Variants in ZNF483 observed in about 807,000 individuals in gnomAD.
The protein encoded by ZNF483 is zinc finger protein HIT-10.
In ZNF483, 9 loss-of-function variants were observed where a neutral mutation model predicts 28.6. The ratio of observed to expected loss-of-function variants is 0.32; its 90% CI spans 0.19 to 0.55. ZNF483 has a LOEUF of 0.55. Among genes scored for constraint, ZNF483 ranks in the 20% least tolerant of loss-of-function variants. ZNF483 has a pLI of 0.93. For synonymous variants in ZNF483, 322 were observed against 306.2 expected (o/e 1.05, Z -0.54); for missense variants, 675 against 871.7 (o/e 0.77, Z 2.84).
At position 111,543,774 on chromosome 9, in the gene ZNF483, T is replaced by C. The variant is rs1367140629; in HGVS notation, c.*604T>C. 1.1e-6 allele frequency: 1 copy of C among 891,662 alleles called. No homozygotes were observed. The highest frequency in any genetic ancestry group is 1.3e-6 in the Non-Finnish European group (1 of 745,968). The allele number at this position is 891,662 out of a possible 1,614,324, so 55.2% of individuals were successfully genotyped here. ...ATGCTGGACTTCTTTTCTTTTTTTT[T>C]TCTTTTTTTTTTTTCAATTTTTCTT... On this transcript the variant is annotated 3_prime_UTR_variant, in exon 6 of 6. Transcript: ENST00000309235.
chr9:111,540,248 G>T (rs909341096), intron 5 of ZNF483, among the ~76,000 whole-genome samples: 1 of 152,054 alleles, frequency 6.6e-6, no homozygotes, highest in African/African-American at 2.4e-5. Context: ...CAGTTTTTCT[G>T]TTTTAAACTA....
chr9:111,540,269 T>G (rs1827640898), intron 5 of ZNF483, among the ~76,000 whole-genome samples: 1 of 152,170 alleles, frequency 6.6e-6, no homozygotes, highest in Admixed American at 6.5e-5. Context: ...TATAGAAACA[T>G]TGAAGGAAAT....
chr9:111,532,408 A>G (rs1185459440), intron 3 of ZNF483, among the ~76,000 whole-genome samples: 2 of 152,178 alleles, frequency 1.3e-5, no homozygotes, highest in Non-Finnish European at 2.9e-5. Flanking sequence ...TGTCCTTGCT[A>G]GAGAGGCAGG....
chr9:111,536,558 A>G (rs1827507732), intron 5 of ZNF483, among the ~76,000 whole-genome samples: 1 of 152,144 alleles, frequency 6.6e-6, no homozygotes, highest in Non-Finnish European at 1.5e-5. Context: ...TATTACATGT[A>G]TCAATACCTT....
At chr9:111,563,428 G>A (rs1828401746) in intron 5 of ZNF483, 2 of 477,018 alleles carry the variant, frequency 4.2e-6, no homozygotes, top group African/African-American at 3.9e-5. Flanking sequence ...AGATTACAAA[G>A]TACACCTAAG....
Position 111,542,241 on chromosome 9 carries a change from G to C in ZNF483, c.1306G>C (p.Glu436Gln). 1 of 1,614,052 alleles carries C rather than the reference G, an allele frequency of 6.2e-7. No homozygotes were observed. The highest frequency in any genetic ancestry group is 8.5e-7 in the Non-Finnish European group (1 of 1,179,984). Residue 436 changes from glutamate (E) to glutamine (Q), a missense_variant, in exon 6 of 6, where the codon GAA becomes CAA. Physicochemically the swap from Glu to Gln is conservative, Grantham distance 29. Coordinates refer to ENST00000309235, the MANE Select transcript of ZNF483 (RefSeq NM_133464.5). This position sits in a 1 kb window ranked among gnomAD's most constrained non-coding sequence, Gnocchi z 6.2. The part of the protein sequence containing the change: ...LNKDEGNESG[E>Q]KTHKCSKCGK... ...TAAAGATGAGGGAAATGAGAGTGGA[G>C]AAAAAACTCATAAATGTAGTAAGTG...
intron 5 of ZNF483, among the ~76,000 whole-genome samples, chr9:111,540,745 G>T (rs1390659676): frequency 2.6e-5 from 4 of 152,204 alleles, no homozygotes; most frequent in Non-Finnish European, 5.9e-5. Flanking sequence ...AACAAAATTA[G>T]TGTTATTTGT....
intron 5 of ZNF483, among the ~76,000 whole-genome samples, chr9:111,540,849 A>G (rs1827653408): frequency 1.3e-5 from 2 of 152,300 alleles, no homozygotes; most frequent in South Asian, 2.1e-4. Flanking sequence ...CGTATTATAC[A>G]TGTGACCTTG....
At chr9:111,555,426 G>A (rs1001182704), downstream of ZNF483, among the ~76,000 whole-genome samples, 20 of 152,066 alleles carry the variant, frequency 1.3e-4, no homozygotes, top group African/African-American at 4.1e-4. Flanking sequence ...TCAGAAGGCC[G>A]TTGTGCTATT....
chr9:111,529,371 C>T (rs1210821142), intron 2 of ZNF483, among the ~76,000 whole-genome samples: 4 of 152,298 alleles, frequency 2.6e-5, no homozygotes, highest in African/African-American at 9.6e-5. Flanking sequence ...GTATTTTTTA[C>T]TGCTCCTTGT....
chr9:111,540,107 A>G lies in ZNF483; in HGVS notation c.722-1550A>G, dbSNP rs1443030465. The stretch of plus-strand genomic sequence containing the variant: ...TGATCATGCCACTGCACTCCAGCGT[A>G]GGCAACAGAGTAAGACCCTATCTCT... On this transcript the variant is annotated intron_variant, in intron 5 of 5. Transcript: ENST00000309235. Among the ~76,000 whole-genome samples, 33 of 152,172 alleles carry G rather than the reference A, an allele frequency of 2.2e-4. 1 individual carries two copies.
rs1360877290 is a variant in ZNF483, at chr9:111,553,264, A to T, written c.*10094A>T. Among the ~76,000 whole-genome samples the T allele has an allele frequency of 1.3e-5, 2 of 152,220 alleles. No individual in the cohort carries two copies. Among genetic ancestry groups the T allele is most frequent in the Non-Finnish European group, 2.9e-5 (2 of 68,038 alleles). On this transcript the variant is annotated 3_prime_UTR_variant, in exon 6 of 6. Transcript: ENST00000309235. ...AATTGCCATTCATCATTAAATGTGC[A>T]CTATACTGTCTCTAGTCTTCTTGAC... is the stretch of plus-strand genomic sequence containing the variant.
downstream of ZNF483, among the ~76,000 whole-genome samples, chr9:111,558,705 C>T (rs1290309273): frequency 1.3e-5 from 2 of 152,194 alleles, no homozygotes; most frequent in Non-Finnish European, 2.9e-5. Flanking sequence ...TATATATGTG[C>T]ACACACACTC....
At chr9:111,525,651 G>T (rs1713751757) in intron 1 of ZNF483, among the ~76,000 whole-genome samples, 1 of 152,130 alleles carries the variant, frequency 6.6e-6, no homozygotes, top group Non-Finnish European at 1.5e-5. Flanking sequence ...CCGCTGGGGG[G>T]TGAAATCTCT....
intron 3 of ZNF483, among the ~76,000 whole-genome samples, chr9:111,533,156 C>T (rs1307699847): frequency 6.6e-6 from 1 of 152,050 alleles, no homozygotes; most frequent in African/African-American, 2.4e-5. Flanking sequence ...GTAAATCATA[C>T]CCTTCATTTA....
At position 111,530,880 on chromosome 9, in the gene ZNF483, GTC is replaced by G. The variant is rs754442122; in HGVS notation, c.423_424del (p.Gln142ArgfsTer14). ...LTQMLEEKDP[V>X]SQDSTVSQEE... ...GGTTTTCTCCCCTTTCCTAGATCCA[GTC>G]TCTCAAGATTCTACTGTTTCCCAAG... On this transcript the variant is annotated frameshift_variant, in exon 3 of 6. Transcript: ENST00000309235. LOFTEE classifies it high-confidence loss of function. 1.4e-6 allele frequency: 2 copies of G among 1,463,192 alleles called. No homozygotes were observed. The highest frequency in any genetic ancestry group is 1.4e-5 in the African/African-American group (1 of 69,960). The allele number at this position is 1,463,192 out of a possible 1,614,324, so 90.6% of individuals were successfully genotyped here. A position where few individuals can be genotyped will look rare whatever the true frequency, so the allele number is the denominator to read the frequency against.
At chr9:111,567,407 G>T (rs954665984) in intron 5 of ZNF483, among the ~76,000 whole-genome samples, 2 of 152,098 alleles carry the variant, frequency 1.3e-5, no homozygotes, top group Non-Finnish European at 2.9e-5. Flanking sequence ...AGATGGTCTC[G>T]ATCTCTTGAC....
chr9:111,576,641 G>T, exon 6 of ZNF483: 1 of 504,414 alleles, frequency 2.0e-6, no homozygotes, highest in Non-Finnish European at 3.5e-6. Flanking sequence ...TTGTTTTAAG[G>T]ATTTCAGATT....
chr9:111,543,632 T>G lies in ZNF483; in HGVS notation c.*462T>G. The G allele has an allele frequency of 1.0e-6, 1 of 985,992 alleles. No individual in the cohort carries two copies. The highest frequency in any genetic ancestry group is 1.2e-6 in the Non-Finnish European group (1 of 830,346). 61.1% of individuals were successfully genotyped at this position (985,992 alleles called of 1,614,324 possible). ...ATTAATGATTTTTGCCTTTTTTGGTTTTTTAGTTTTTTATTGGTATCCTGA... is the reference window on the plus strand; with the variant it reads ...ATTAATGATTTTTGCCTTTTTTGGTGTTTTAGTTTTTTATTGGTATCCTGA... On this transcript the variant is annotated 3_prime_UTR_variant, in exon 6 of 6. Transcript: ENST00000309235.
Sources: allele counts gnomAD v4.1 joint callset (sites outside exome capture counted in the v4.1 genomes callset), GRCh38; gene constraint gnomAD v4.1.1; non-coding constraint Gnocchi (gnomAD v3.1); transcripts MANE v1.5; gene names NCBI Gene and HGNC (gene_info 2026-07-23, HGNC 2026-07-21).